CSMD1: variants seen among roughly 807,000 people sequenced by gnomAD.
CSMD1 encodes CUB and sushi domain-containing protein 1.
CSMD1 carries 213 observed loss-of-function variants against 417.5 expected under a neutral mutation model. The observed-to-expected ratio is 0.51, with a 90% CI of 0.46 to 0.57. CSMD1 has a LOEUF of 0.57. CSMD1 is among the 20% of genes least tolerant of loss of function. The pLI, the probability that CSMD1 is intolerant of heterozygous loss-of-function variation, is 0.00. For missense variants in CSMD1, 6,923 were observed against 4,529.7 expected, an observed-to-expected ratio of 1.53 and a Z score of -15.17; for synonymous variants, 2,862 against 1,736.8, an observed-to-expected ratio of 1.65 and a Z score of -16.11.
intron 20 of CSMD1, among the ~76,000 whole-genome samples, chr8:3,362,267 C>T (rs1362132056): frequency 1.3e-5 from 2 of 152,160 alleles, no homozygotes; most frequent in Admixed American, 6.5e-5. Context: ...TTGGGTGTAC[C>T]TTCCATTTTC....
chr8:3,212,677 T>C (rs1797682328), intron 30 of CSMD1, among the ~76,000 whole-genome samples: 1 of 152,082 alleles, frequency 6.6e-6, no homozygotes, highest in South Asian at 2.1e-4. Flanking sequence ...TGTGCCAGTC[T>C]CTACTGCTGG....
chr8:3,667,715 G>C (rs775353369), intron 7 of CSMD1, among the ~76,000 whole-genome samples: 2 of 152,236 alleles, frequency 1.3e-5, no homozygotes, highest in Non-Finnish European at 2.9e-5. Context: ...TAGAGGATTA[G>C]TAGTTACTCA....
intron 1 of CSMD1, among the ~76,000 whole-genome samples, chr8:4,914,850 G>T (rs572885630): frequency 6.6e-6 from 1 of 152,256 alleles, no homozygotes; most frequent in African/African-American, 2.4e-5. Flanking sequence ...TTCACCTACT[G>T]CTATTTCACC....
chr8:4,634,920 TTACAG>T (rs1802734247), intron 2 of CSMD1, among the ~76,000 whole-genome samples: 1 of 152,166 alleles, frequency 6.6e-6, no homozygotes, highest in Non-Finnish European at 1.5e-5. Context: ...CCGATTTGTA[TTACAG>T]TACTCTAAAC....
chr8:3,627,934 T>C (rs1022021421), intron 7 of CSMD1, among the ~76,000 whole-genome samples: 2 of 152,148 alleles, frequency 1.3e-5, no homozygotes, highest in Non-Finnish European at 2.9e-5. Context: ...ATACCACAAG[T>C]TGAAAAGGAA....
chr8:4,076,523 G>A (rs546227510), intron 3 of CSMD1, among the ~76,000 whole-genome samples: 4 of 152,206 alleles, frequency 2.6e-5, no homozygotes, highest in African/African-American at 9.6e-5. Context: ...TGAACAAATA[G>A]AGCCAAAAAC....
At chr8:4,834,215 G>C (rs1800323855) in intron 1 of CSMD1, among the ~76,000 whole-genome samples, 1 of 152,176 alleles carries the variant, frequency 6.6e-6, no homozygotes, top group Non-Finnish European at 1.5e-5. Context: ...ATACATATTT[G>C]AACGTGGTAA....
intron 52 of CSMD1, among the ~76,000 whole-genome samples, chr8:3,007,558 T>A (rs1808037991): frequency 6.6e-6 from 1 of 151,454 alleles, no homozygotes; most frequent in Admixed American, 6.6e-5. Flanking sequence ...TAAGAAAATG[T>A]GGCACATATA....
intron 2 of CSMD1, among the ~76,000 whole-genome samples, chr8:4,454,058 G>T (rs917546905): frequency 6.6e-6 from 1 of 151,860 alleles, no homozygotes; most frequent in Non-Finnish European, 1.5e-5. Flanking sequence ...TCCTGACCTC[G>T]TGATCCGCCC....
Position 4,563,922 on chromosome 8 carries a change from A to G in CSMD1, c.302+73420T>C, listed in dbSNP as rs138305587. ...ATTTAAAATGTTTCTTCTGTAGCAC[A>G]GTTCCACAGAATAAATTCCAGCAGA... On this transcript the variant is annotated intron_variant, in intron 2 of 69. Coordinates refer to ENST00000635120, the MANE Select transcript of CSMD1 (RefSeq NM_033225.6). Among the ~76,000 whole-genome samples, 154 of 152,318 alleles carry G rather than the reference A, an allele frequency of 1.0e-3. 1 individual carries two copies. Among genetic ancestry groups the G allele is most frequent in the African/African-American group, 3.4e-3 (142 of 41,576 alleles).
chr8:4,009,689 G>A (rs1041301963), intron 4 of CSMD1, among the ~76,000 whole-genome samples: 1 of 151,968 alleles, frequency 6.6e-6, no homozygotes, highest in African/African-American at 2.4e-5. Flanking sequence ...TATTATTGAG[G>A]AAGGAAGGGC....
intron 6 of CSMD1, among the ~76,000 whole-genome samples, chr8:3,710,995 C>G (rs1801476671): frequency 6.6e-6 from 1 of 152,118 alleles, no homozygotes; most frequent in Non-Finnish European, 1.5e-5. Context: ...CATGCCTTGA[C>G]CTTGGACTTC....
At chr8:3,686,490 C>G (rs1585075244) in intron 7 of CSMD1, among the ~76,000 whole-genome samples, 1 of 151,984 alleles carries the variant, frequency 6.6e-6, no homozygotes, top group Non-Finnish European at 1.5e-5. Context: ...ATTAAAGACG[C>G]TTAAAAAAAA....
chr8:4,688,527 A>G (rs1344217252), intron 1 of CSMD1, among the ~76,000 whole-genome samples: 1 of 152,140 alleles, frequency 6.6e-6, no homozygotes, highest in Non-Finnish European at 1.5e-5. Flanking sequence ...ATACCAAGGA[A>G]AATTCTCCAA....
At chr8:2,962,000 G>C (rs1169074167) in intron 61 of CSMD1, among the ~76,000 whole-genome samples, 3 of 152,020 alleles carry the variant, frequency 2.0e-5, no homozygotes, top group African/African-American at 4.8e-5. Flanking sequence ...TCAAGACTAA[G>C]TATTACTTTT....
rs144646020 is a variant in CSMD1, at chr8:2,963,912, A to G, written c.9281-517T>C. 5.0e-3 allele frequency among the ~76,000 whole-genome samples: 769 copies of G among 152,304 alleles called. 10 individuals carry two copies. The highest frequency in any genetic ancestry group is 0.01 in the Middle Eastern group (3 of 294). ...ATGGTTAAAGAAGATGCTGTGGAAT[A>G]CCATTTGCAAGTGTTTCATCACAGC... On this transcript the variant is annotated intron_variant, in intron 59 of 69. Coordinates refer to ENST00000635120, the MANE Select transcript of CSMD1 (RefSeq NM_033225.6).
At chr8:3,596,456 C>G (rs1801099692) in intron 8 of CSMD1, among the ~76,000 whole-genome samples, 2 of 152,142 alleles carry the variant, frequency 1.3e-5, no homozygotes, top group Admixed American at 1.3e-4. Context: ...GAACGAGAGA[C>G]TCAGAGGGCC....
chr8:4,567,883 C>A (rs1314098095), intron 2 of CSMD1, among the ~76,000 whole-genome samples: 1 of 152,120 alleles, frequency 6.6e-6, no homozygotes, highest in African/African-American at 2.4e-5. Context: ...AATATTTAGT[C>A]TTTTCATTTT....
intron 3 of CSMD1, among the ~76,000 whole-genome samples, chr8:4,321,387 G>C (rs923678174): frequency 6.6e-6 from 1 of 152,106 alleles, no homozygotes; most frequent in Non-Finnish European, 1.5e-5. Flanking sequence ...GGAGCAATCA[G>C]AAGAGTTTTT....
Sources: gnomAD v4.1 joint callset for allele counts (sites outside exome capture counted in the v4.1 genomes callset) on GRCh38, gnomAD v4.1.1 for gene constraint, MANE v1.5 for transcripts, NCBI Gene and HGNC (gene_info 2026-07-23, HGNC 2026-07-21) for gene names.